GCC2: variants seen among roughly 807,000 people sequenced by gnomAD.
The protein encoded by GCC2 is GRIP and coiled-coil domain-containing protein 2.
In GCC2, 120 loss-of-function variants were observed where a neutral mutation model predicts 210.6. That is an observed-to-expected ratio of 0.57 (90% CI 0.49 to 0.66). The LOEUF is 0.66. Among genes scored for constraint, GCC2 ranks in the 30% least tolerant of loss-of-function variants. The probability of loss-of-function intolerance (pLI) is 0.00; values close to 1 mark genes in which losing one functional copy is unlikely to be tolerated. For missense variants in GCC2, 1,868 were observed against 1,871.9 expected (o/e 1.00, Z 0.04); for synonymous variants, 703 against 652.7 (o/e 1.08, Z -1.17).
Position 108,502,320 on chromosome 2 carries a change from A to G in GCC2, c.4984+2566A>G, listed in dbSNP as rs1484729993. Among the ~76,000 whole-genome samples the G allele has an allele frequency of 2.0e-5, 3 of 152,194 alleles. No homozygotes were observed. The East Asian group carries it at 5.8e-4, about 29-fold the overall frequency. The stretch of plus-strand genomic sequence containing the variant: ...CAGCATGTTTAATGTAGATGTTGCT[A>G]ACGTCCAGGTGGCTCCTATAAGTTA... On this transcript the variant is annotated intron_variant, in intron 22 of 22. Transcript: ENST00000309863.
intron 13 of GCC2, 74 bp from the exon 14 acceptor site, chr2:108,485,561 AG>A: frequency 1.3e-6 from 1 of 762,446 alleles, no homozygotes; most frequent in African/African-American, 1.8e-5. Flanking sequence ...AATACAAAGA[AG>A]ACATATTTGT....
intron 2 of GCC2, among the ~76,000 whole-genome samples, chr2:108,450,741 A>T (rs1679889294): frequency 6.6e-6 from 1 of 152,142 alleles, no homozygotes; most frequent in South Asian, 2.1e-4. Context: ...AATTAGCCGG[A>T]CGTGGTAGCG....
At chr2:108,498,799 G>A (rs1682777188) in intron 21 of GCC2, among the ~76,000 whole-genome samples, 1 of 151,748 alleles carries the variant, frequency 6.6e-6, no homozygotes, top group East Asian at 1.9e-4. Flanking sequence ...CGTTCACTGT[G>A]GACGTCTTAA....
At chr2:108,462,090 G>A (rs1359178519) in intron 4 of GCC2, among the ~76,000 whole-genome samples, 19 of 148,302 alleles carry the variant, frequency 1.3e-4, no homozygotes, top group African/African-American at 4.7e-4. Flanking sequence ...GCCCGCCTCG[G>A]CCTCCCAAAG....
chr2:108,462,426 A>G (rs1438827687), intron 4 of GCC2, among the ~76,000 whole-genome samples: 1 of 148,500 alleles, frequency 6.7e-6, no homozygotes, highest in African/African-American at 2.5e-5. Context: ...CCCGGGAGGC[A>G]GAGCTTGCAG....
Position 108,507,688 on chromosome 2 carries a change from C to G in GCC2, c.*58C>G, listed in dbSNP as rs1286626146. ...AGAATCTATTTACAAAAATGGTTCA[C>G]GTATATTACCACAATTCTTTTGTCA... is the stretch of plus-strand genomic sequence containing the variant. On this transcript the variant is annotated 3_prime_UTR_variant, in exon 23 of 23. Transcript: ENST00000309863. 2 of 1,170,272 alleles carry G rather than the reference C, an allele frequency of 1.7e-6. No individual in the cohort carries two copies. The highest frequency in any genetic ancestry group is 2.5e-6 in the Non-Finnish European group (2 of 798,086). 72.5% of individuals were successfully genotyped at this position (1,170,272 alleles called of 1,614,324 possible).
intron 10 of GCC2, 35 bp downstream of exon 10, chr2:108,481,851 A>G (rs1446887221): frequency 6.9e-7 from 1 of 1,439,160 alleles, no homozygotes; most frequent in Non-Finnish European, 9.5e-7. Context: ...TGAAAACTAT[A>G]ACAGGTATAT....
chr2:108,504,056 C>T (rs1683063085), intron 22 of GCC2, among the ~76,000 whole-genome samples: 1 of 152,128 alleles, frequency 6.6e-6, no homozygotes, highest in Non-Finnish European at 1.5e-5. Context: ...TGCAGTCAAA[C>T]TTCTGGTCGA....
chr2:108,502,915 C>A (rs1420063679), intron 22 of GCC2, among the ~76,000 whole-genome samples: 1 of 118,722 alleles, frequency 8.4e-6, no homozygotes, highest in Non-Finnish European at 1.8e-5. Context: ...AAGAGCAAAA[C>A]CCTGTCTCAA....
At position 108,461,957 on chromosome 2, in the gene GCC2, C is replaced by T. The variant is rs1465442301; in HGVS notation, c.217-7023C>T. Among the ~76,000 whole-genome samples, 12 of 147,612 alleles carry T rather than the reference C, an allele frequency of 8.1e-5. No individual in the cohort carries two copies. The South Asian group carries it at 8.5e-4, about 10-fold the overall frequency. On this transcript the variant is annotated intron_variant, in intron 4 of 22. Coordinates refer to ENST00000309863, the MANE Select transcript of GCC2 (RefSeq NM_181453.4). Reference sequence around the variant, plus strand: ...ACGCCATTCTCCTGCCTCAGCCTCCCGAGTAGCTGGGACTACAGGCGCCCA... The same window carrying T: ...ACGCCATTCTCCTGCCTCAGCCTCCTGAGTAGCTGGGACTACAGGCGCCCA...
intron 4 of GCC2, 152 bp downstream of exon 4, chr2:108,452,618 TA>T: frequency 1.6e-6 from 1 of 621,240 alleles, no homozygotes; most frequent in Non-Finnish European, 2.9e-6. Context: ...AAGAGGGGGT[TA>T]ATGACCTCTG....
Position 108,487,840 on chromosome 2 carries a change from T to C in GCC2, c.4052+20T>C, listed in dbSNP as rs773813334. The C allele has an allele frequency of 6.2e-6, 10 of 1,607,158 alleles. No homozygotes were observed. The highest frequency in any genetic ancestry group is 6.8e-6 in the Non-Finnish European group (8 of 1,176,738). On this transcript the variant is annotated intron_variant, in intron 17 of 22. Coordinates refer to ENST00000309863, the MANE Select transcript of GCC2 (RefSeq NM_181453.4). The stretch of plus-strand genomic sequence containing the variant: ...AGAAAGGTAAAGTCTGAATTAAATA[T>C]GCAGAGTTTTCCTCCCACAATGCAG...
intron 4 of GCC2, among the ~76,000 whole-genome samples, chr2:108,465,266 A>G (rs1680820641): frequency 6.6e-6 from 1 of 152,236 alleles, no homozygotes; most frequent in South Asian, 2.1e-4. Context: ...TTTGGTTCAT[A>G]GTGGAGGAGG....
At chr2:108,456,555 T>C (rs762361099) in intron 4 of GCC2, among the ~76,000 whole-genome samples, 6 of 152,180 alleles carry the variant, frequency 3.9e-5, no homozygotes, top group Non-Finnish European at 5.9e-5. Flanking sequence ...TTTAATGTTG[T>C]GTTGTTTGAG....
chr2:108,470,953 G>A lies in GCC2; in HGVS notation c.1624G>A (p.Gly542Arg), dbSNP rs1346503661. 1.2e-6 allele frequency: 2 copies of A among 1,612,986 alleles called. No individual in the cohort carries two copies. The part of the protein sequence containing the change: ...ALLETVNRLQ[G>R]ENEKLLSQQE... ...TCTCGAAACTGTGAATCGCCTCCAG[G>A]GAGAAAATGAAAAGTTACTATCTCA... The change falls in exon 6 of 23, where the codon GGA (glycine) becomes AGA (arginine). Residue 542 changes from glycine to arginine, a missense_variant. Gly to Arg is a moderately radical substitution (Grantham distance 125). Around this residue, in one of 3 missense-constraint regions of GCC2, gnomAD observed 1,847 missense variants for 1,765.2 expected, o/e 1.05. Coordinates refer to ENST00000309863, the MANE Select transcript of GCC2 (RefSeq NM_181453.4).
chr2:108,449,497 C>T (rs1292509945), intron 1 of GCC2, 136 bp from the exon 2 acceptor site: 2 of 1,189,648 alleles, frequency 1.7e-6, no homozygotes, highest in Non-Finnish European at 2.4e-6. Context: ...CGCCTCCGTC[C>T]GCCCTCATTC....
chr2:108,489,713 T>C, intron 17 of GCC2, 125 bp from the exon 18 acceptor site: 1 of 538,280 alleles, frequency 1.9e-6, no homozygotes, highest in East Asian at 3.3e-5. Context: ...ATTCTTCTAT[T>C]ATATTTCCTT....
In GCC2 at chr2:108,495,052, C is replaced by A. The variant is rs1682581051; in HGVS notation, c.4448-239C>A. ...GTCTTGAACTTGCTGACCTCGTGAT[C>A]CACCCACCTTAGCCTCCCAAACTGC... On this transcript the variant is annotated intron_variant, in intron 19 of 22. Coordinates refer to ENST00000309863, the MANE Select transcript of GCC2 (RefSeq NM_181453.4). The A allele has an allele frequency of 1.2e-5, 3 of 244,156 alleles. No individual in the cohort carries two copies. The South Asian group carries it at 1.7e-4, about 14-fold the overall frequency. The allele number at this position is 244,156 out of a possible 1,614,324, so 15.1% of individuals were successfully genotyped here. A position where few individuals can be genotyped will look rare whatever the true frequency, so the allele number is the denominator to read the frequency against.
At chr2:108,476,382 T>G (rs183530303) in intron 9 of GCC2, among the ~76,000 whole-genome samples, 1 of 152,168 alleles carries the variant, frequency 6.6e-6, no homozygotes, top group African/African-American at 2.4e-5. Flanking sequence ...AAATTGTTGT[T>G]TATAAAAGTA....
Sources: gnomAD v4.1 joint callset for allele counts (sites outside exome capture counted in the v4.1 genomes callset) on GRCh38, gnomAD v4.1.1 for gene constraint, gnomAD v4.1.1 regional missense constraint, MANE v1.5 for transcripts, NCBI Gene and HGNC (gene_info 2026-07-23, HGNC 2026-07-21) for gene names.